The following FAF1 variants were observed in gnomAD, a reference collection of about 807,000 sequenced individuals.
FAF1 encodes the protein FAS-associated factor 1.
A neutral mutation model predicts 92.5 loss-of-function variants in FAF1; 25 were observed. The ratio of observed to expected loss-of-function variants is 0.27; its 90% CI spans 0.20 to 0.38. FAF1 has a LOEUF of 0.38. FAF1 is among the 10% of genes least tolerant of loss of function. FAF1 has a pLI of 1.00. For synonymous variants in FAF1, 234 were observed against 273.2 expected (o/e 0.86, Z 1.42); for missense variants, 636 against 793.3 (o/e 0.80, Z 2.38).
chr1:50,942,592 T>C (rs1461088447), intron 1 of FAF1, among the ~76,000 whole-genome samples: 9 of 152,082 alleles, frequency 5.9e-5, no homozygotes, highest in Admixed American at 2.0e-4. Flanking sequence ...TGGTAACAAC[T>C]ACAAAAAAGC....
At chr1:50,861,254 C>T (rs1300694415) in intron 1 of FAF1, among the ~76,000 whole-genome samples, 2 of 151,760 alleles carry the variant, frequency 1.3e-5, no homozygotes, top group African/African-American at 4.8e-5. Context: ...ATATTAAAAA[C>T]AAGAGACTGC....
intron 4 of FAF1, among the ~76,000 whole-genome samples, chr1:50,778,333 T>C (rs768402648): frequency 1.3e-5 from 2 of 152,068 alleles, no homozygotes. Flanking sequence ...ATCTGGGTGG[T>C]GGTGGTTCCA....
chr1:50,454,413 G>A (rs1271320025), intron 18 of FAF1, among the ~76,000 whole-genome samples: 2 of 152,178 alleles, frequency 1.3e-5, no homozygotes, highest in Non-Finnish European at 2.9e-5. Flanking sequence ...TCAGGCCTGA[G>A]TGACAGAGCC....
Position 50,655,461 on chromosome 1 carries a change from G to C in FAF1, c.725C>G (p.Thr242Ser). Residue 242 changes from threonine (T) to serine (S), a missense_variant, in exon 8 of 19, where the codon ACT (threonine) becomes AGT (serine). Thr to Ser is a moderately conservative substitution (Grantham distance 58). Around this residue, in one of 2 missense-constraint regions of FAF1, gnomAD observed 317 missense variants for 342.4 expected, o/e 0.93. Transcript: ENST00000396153. ...VRHQLWEGWP[T>S]SATDDSMCLA... The stretch of plus-strand genomic sequence containing the variant: ...ACTTACTGAGTCGTCTGTAGCAGAA[G>C]TTGGCCAGCCCTCCCATAATTGGTG... 1 of 1,613,328 alleles carries C rather than the reference G, an allele frequency of 6.2e-7. No individual in the cohort carries two copies. The highest frequency in any genetic ancestry group is 8.5e-7 in the Non-Finnish European group (1 of 1,179,208).
rs1357065563 is a variant in FAF1 at position 50,743,035 on chromosome 1, T to C, written c.459+1649A>G. Among the ~76,000 whole-genome samples, 6 of 152,232 alleles carry C rather than the reference T, an allele frequency of 3.9e-5. No homozygotes were observed. The East Asian group carries it at 9.6e-4, about 24-fold the overall frequency. ...ATAATTATGCTCGATGTTTCACATA[T>C]TGTCTACGGCTGCTTTCCCACTAAG... On this transcript the variant is annotated intron_variant, in intron 5 of 18. Coordinates refer to ENST00000396153, the MANE Select transcript of FAF1 (RefSeq NM_007051.3).
rs1382173982 is a variant in FAF1, at chr1:50,788,019, A to G, written c.348T>C (p.Leu116=). 10 of 1,613,996 alleles carry G rather than the reference A, an allele frequency of 6.2e-6. No individual in the cohort carries two copies. Among genetic ancestry groups the G allele is most frequent in the Non-Finnish European group, 8.5e-6 (10 of 1,179,912 alleles). The change falls in exon 4 of 19, where the codon CTT becomes CTC. Residue 116 remains leucine (L), a synonymous_variant. Coordinates refer to ENST00000396153, the MANE Select transcript of FAF1 (RefSeq NM_007051.3). ...CCTTACCAACAGTACAGGTGTCTTC[A>G]AGTACCACATCAACATTTCTGTCTC... is the stretch of plus-strand genomic sequence containing the variant. ...EYRDRNVDVV[L]EDTCTVGEIK...
intron 8 of FAF1, among the ~76,000 whole-genome samples, chr1:50,622,559 C>A (rs1653266094): frequency 1.3e-5 from 2 of 152,164 alleles, no homozygotes; most frequent in Admixed American, 1.3e-4. Context: ...GATATTAGTA[C>A]AATTGTCATC....
chr1:50,578,060 A>G (rs949554845), intron 12 of FAF1, among the ~76,000 whole-genome samples: 2 of 152,242 alleles, frequency 1.3e-5, no homozygotes, highest in Non-Finnish European at 2.9e-5. Flanking sequence ...TTAACTATAT[A>G]CCAGTTGATG....
chr1:50,758,761 G>A (rs1660189610), intron 4 of FAF1, among the ~76,000 whole-genome samples: 1 of 152,088 alleles, frequency 6.6e-6, no homozygotes, highest in Non-Finnish European at 1.5e-5. Flanking sequence ...AGCATTCTAG[G>A]TGAAAATTTT....
At chr1:50,659,502 G>A (rs551534685) in intron 7 of FAF1, among the ~76,000 whole-genome samples, 52 of 152,250 alleles carry the variant, frequency 3.4e-4, no homozygotes, top group African/African-American at 1.2e-3. Flanking sequence ...TTCTGACGGA[G>A]TTTCATCTTT....
intron 3 of FAF1, among the ~76,000 whole-genome samples, chr1:50,797,010 C>T (rs994876377): frequency 2.6e-5 from 4 of 152,128 alleles, no homozygotes; most frequent in African/African-American, 7.2e-5. Context: ...GTGGCACATG[C>T]CTGTAGTCCC....
At chr1:50,857,102 T>C (rs971002779) in intron 2 of FAF1, among the ~76,000 whole-genome samples, 2 of 151,846 alleles carry the variant, frequency 1.3e-5, no homozygotes, top group African/African-American at 4.8e-5. Flanking sequence ...TTAAGCATCA[T>C]TACTTTTAAT....
chr1:50,668,175 AAAT>A (rs1655715175), intron 7 of FAF1, among the ~76,000 whole-genome samples: 1 of 152,340 alleles, frequency 6.6e-6, no homozygotes, highest in Admixed American at 6.5e-5. Flanking sequence ...CATCAAGTGA[AAAT>A]AAACCATTCA....
intron 1 of FAF1, among the ~76,000 whole-genome samples, chr1:50,883,317 T>C (rs1644629406): frequency 6.6e-6 from 1 of 152,238 alleles, no homozygotes; most frequent in Admixed American, 6.5e-5. Context: ...GGATTTTTAT[T>C]TGCAAAATGC....
rs770105593 is a variant in FAF1 at position 50,858,016 on chromosome 1, A to T, written c.46-19T>A. On this transcript the variant is annotated intron_variant, in intron 1 of 18. Coordinates refer to ENST00000396153, the MANE Select transcript of FAF1 (RefSeq NM_007051.3). ...TACATGCCTGGAAAGAAAGTAAATA[A>T]GCATTTTACATATAATTTTAGAAAT... is the stretch of plus-strand genomic sequence containing the variant. 1 of 1,556,312 alleles carries T rather than the reference A, an allele frequency of 6.4e-7. No homozygotes were observed. The highest frequency in any genetic ancestry group is 1.2e-5 in the South Asian group (1 of 84,368).
chr1:50,919,581 G>A (rs758452938), intron 1 of FAF1, among the ~76,000 whole-genome samples: 18 of 151,242 alleles, frequency 1.2e-4, no homozygotes, highest in East Asian at 1.2e-3. Context: ...TCCGCCTCCC[G>A]GGTTCAAGCG....
rs1644816252 is a variant in FAF1 at position 50,904,002 on chromosome 1, A to C, written c.46-46005T>G. 6.6e-5 allele frequency among the ~76,000 whole-genome samples: 10 copies of C among 152,334 alleles called. No individual in the cohort carries two copies. In the South Asian group the frequency reaches 2.1e-3, roughly 32 times the overall value. On this transcript the variant is annotated intron_variant, in intron 1 of 18. Transcript: ENST00000396153. Reference sequence around the variant, plus strand: ...AAATTTAGAATTAACATATGATCTAACAATTCCACTTCCGGGTATATATTC... The same window carrying C: ...AAATTTAGAATTAACATATGATCTACCAATTCCACTTCCGGGTATATATTC...
chr1:50,488,817 C>T (rs1036894842), intron 17 of FAF1, among the ~76,000 whole-genome samples: 1 of 152,132 alleles, frequency 6.6e-6, no homozygotes, highest in Non-Finnish European at 1.5e-5. Flanking sequence ...AATTGATAAG[C>T]ATACGTAAAG....
chr1:50,605,660 T>C (rs970063723), intron 8 of FAF1, among the ~76,000 whole-genome samples: 7 of 152,182 alleles, frequency 4.6e-5, no homozygotes, highest in Non-Finnish European at 1.5e-5. Context: ...TGCCATTTAG[T>C]TGCTTATGAG....
Sources: gnomAD v4.1 joint callset for allele counts (sites outside exome capture counted in the v4.1 genomes callset) on GRCh38, gnomAD v4.1.1 for gene constraint, gnomAD v4.1.1 regional missense constraint, MANE v1.5 for transcripts, NCBI Gene and HGNC (gene_info 2026-07-23, HGNC 2026-07-21) for gene names.